Variants in DIS3L2 observed in about 807,000 individuals in gnomAD.
The protein encoded by DIS3L2 is DIS3-like exonuclease 2.
In DIS3L2, 34 loss-of-function variants were observed where a neutral mutation model predicts 97.5. The observed-to-expected ratio is 0.35, with a 90% CI of 0.27 to 0.46. The LOEUF is 0.46. Ranked by LOEUF, DIS3L2 falls within the 20% of genes least tolerant of loss-of-function variation. DIS3L2 has a pLI of 1.00. For synonymous variants in DIS3L2, 435 were observed against 445.2 expected, an observed-to-expected ratio of 0.98 and a Z score of 0.29; for missense variants, 1,038 against 1,146.0, an observed-to-expected ratio of 0.91 and a Z score of 1.36.
At chr2:232,232,364 C>A (rs1250952347) in intron 10 of DIS3L2, among the ~76,000 whole-genome samples, 1 of 152,140 alleles carries the variant, frequency 6.6e-6, no homozygotes, top group Non-Finnish European at 1.5e-5. Context: ...AGGGCACTGT[C>A]TTCACTATGG....
chr2:232,118,475 T>C (rs202084453), intron 6 of DIS3L2, among the ~76,000 whole-genome samples: 1 of 152,244 alleles, frequency 6.6e-6, no homozygotes, highest in South Asian at 2.1e-4. Context: ...TCATGGCTGG[T>C]GTTTTTACAA....
At chr2:232,324,843 T>G (rs1173457712) in intron 14 of DIS3L2, among the ~76,000 whole-genome samples, 2 of 152,150 alleles carry the variant, frequency 1.3e-5, no homozygotes. Context: ...TTACATGAGC[T>G]TAAGAAGCAA....
intron 8 of DIS3L2, among the ~76,000 whole-genome samples, chr2:232,156,212 C>T (rs1435455784): frequency 6.6e-6 from 1 of 152,102 alleles, no homozygotes; most frequent in Non-Finnish European, 1.5e-5. Context: ...AGTGTCAGTT[C>T]TTCATTAGGT....
At chr2:232,092,559 G>A (rs1300047265) in intron 6 of DIS3L2, among the ~76,000 whole-genome samples, 4 of 151,852 alleles carry the variant, frequency 2.6e-5, no homozygotes, top group Non-Finnish European at 5.9e-5. Context: ...ACATTTTTGT[G>A]TCCTCTTTAA....
At chr2:232,186,051 G>C (rs572458362) in intron 9 of DIS3L2, among the ~76,000 whole-genome samples, 75 of 152,108 alleles carry the variant, frequency 4.9e-4, no homozygotes, top group African/African-American at 1.5e-3. Flanking sequence ...GGCTGTTCTT[G>C]AACTCCTGGA....
At chr2:232,315,979 T>G (rs1315319270) in intron 14 of DIS3L2, among the ~76,000 whole-genome samples, 1 of 152,114 alleles carries the variant, frequency 6.6e-6, no homozygotes, top group South Asian at 2.1e-4. Flanking sequence ...GGGTTACCAG[T>G]AGGGGGTAGG....
At chr2:232,173,173 G>A (rs189472594) in intron 9 of DIS3L2, among the ~76,000 whole-genome samples, 4 of 152,096 alleles carry the variant, frequency 2.6e-5, no homozygotes, top group Non-Finnish European at 5.9e-5. Context: ...TTGGTTGCTT[G>A]TGTTTTTGGT....
At chr2:232,120,340 C>T (rs575381208) in intron 6 of DIS3L2, among the ~76,000 whole-genome samples, 1 of 152,178 alleles carries the variant, frequency 6.6e-6, no homozygotes, top group South Asian at 2.1e-4. Flanking sequence ...CGAATCCTGC[C>T]CCAGCCACTT....
intron 9 of DIS3L2, among the ~76,000 whole-genome samples, chr2:232,193,018 G>A (rs922918947): frequency 5.3e-5 from 8 of 152,208 alleles, no homozygotes; most frequent in South Asian, 2.1e-4. Flanking sequence ...TCCTTAGTGG[G>A]ATGGCTGCTA....
At chr2:232,212,888 G>A (rs1000176475) in intron 10 of DIS3L2, among the ~76,000 whole-genome samples, 2 of 152,160 alleles carry the variant, frequency 1.3e-5, no homozygotes, top group African/African-American at 4.8e-5. Context: ...AGGAGTCCAA[G>A]ATGGTGCCAA....
chr2:232,091,872 G>C (rs747457360), intron 6 of DIS3L2, among the ~76,000 whole-genome samples: 4 of 152,152 alleles, frequency 2.6e-5, no homozygotes, highest in Non-Finnish European at 5.9e-5. Flanking sequence ...TCTCATTGCA[G>C]TTTTGACTTG....
intron 1 of DIS3L2, among the ~76,000 whole-genome samples, chr2:231,986,223 A>T (rs1693410119): frequency 6.6e-6 from 1 of 152,136 alleles, no homozygotes; most frequent in Non-Finnish European, 1.5e-5. Context: ...TTTCTTCCTC[A>T]GCTTGCACAT....
chr2:231,965,447 C>CT (rs36010857), intron 1 of DIS3L2, among the ~76,000 whole-genome samples: 20,795 of 140,322 alleles, frequency 0.15, 1,811 homozygotes, highest in South Asian at 0.34. Context: ...TCTGAATTGA[C>CT]TTTTTTTTTT....
chr2:232,229,193 T>C (rs1218374396), intron 10 of DIS3L2, among the ~76,000 whole-genome samples: 1 of 152,214 alleles, frequency 6.6e-6, no homozygotes, highest in Non-Finnish European at 1.5e-5. Flanking sequence ...CTCTTTTTTT[T>C]TGGATGAAGA....
chr2:232,079,109 T>G (rs1398503861), intron 5 of DIS3L2, among the ~76,000 whole-genome samples: 1 of 152,206 alleles, frequency 6.6e-6, no homozygotes, highest in Non-Finnish European at 1.5e-5. Flanking sequence ...ACAAATCATT[T>G]CCTAATTAAT....
At chr2:232,342,932 A>T (rs1200833544) in intron 13 of DIS3L2, among the ~76,000 whole-genome samples, 1 of 151,020 alleles carries the variant, frequency 6.6e-6, no homozygotes, top group Non-Finnish European at 1.5e-5. Flanking sequence ...TGCTGGGCAC[A>T]GATCAAAGAG....
chr2:232,335,953 A>G (rs1414053920), intron 20 of DIS3L2, 79 bp downstream of exon 20: 1 of 1,543,502 alleles, frequency 6.5e-7, no homozygotes, highest in Non-Finnish European at 8.7e-7. Context: ...TCATTCCTTC[A>G]TCTGTGTCCC....
chr2:232,263,169 G>A, intron 12 of DIS3L2, 38 bp from the exon 13 acceptor site: 1 of 1,598,914 alleles, frequency 6.3e-7, no homozygotes, highest in Non-Finnish European at 8.6e-7. Context: ...AAAAACATTT[G>A]TCCTCACAAT....
chr2:232,339,197 C>T (rs1447868949), downstream of DIS3L2, among the ~76,000 whole-genome samples: 1 of 152,228 alleles, frequency 6.6e-6, no homozygotes, highest in African/African-American at 2.4e-5. Context: ...CAGGAAAGAA[C>T]TGGAATTACA....
Sources: gnomAD v4.1 joint callset for allele counts (sites outside exome capture counted in the v4.1 genomes callset) on GRCh38, gnomAD v4.1.1 for gene constraint, MANE v1.5 for transcripts, NCBI Gene and HGNC (gene_info 2026-07-23, HGNC 2026-07-21) for gene names.